ACKR2: variants seen among roughly 807,000 people sequenced by gnomAD.
ACKR2 encodes the protein C-C chemokine receptor D6.
For missense variants in ACKR2, 457 were observed against 477.3 expected (o/e 0.96, Z 0.40); for synonymous variants, 207 against 192.2 (o/e 1.08, Z -0.64).
intron 1 of ACKR2, among the ~76,000 whole-genome samples, chr3:42,819,049 C>T (rs1031405417): frequency 7.2e-5 from 11 of 152,120 alleles, no homozygotes; most frequent in East Asian, 3.9e-4. Flanking sequence ...CTGACTAAGC[C>T]GAAGCTCTCC....
At chr3:42,842,875 C>T (rs1412311821) in intron 2 of ACKR2, among the ~76,000 whole-genome samples, 1 of 149,914 alleles carries the variant, frequency 6.7e-6, no homozygotes, top group African/African-American at 2.5e-5. Context: ...CCCAGCTACT[C>T]GGGAGGCTGA....
At chr3:42,822,736 C>T (rs1700820973) in intron 2 of ACKR2, among the ~76,000 whole-genome samples, 2 of 149,132 alleles carry the variant, frequency 1.3e-5, no homozygotes, top group African/African-American at 4.9e-5. Flanking sequence ...CCTGTAATCC[C>T]AGCCCAGCTA....
chr3:42,810,062 G>T (rs1700679484), intron 1 of ACKR2, among the ~76,000 whole-genome samples: 1 of 152,104 alleles, frequency 6.6e-6, no homozygotes, highest in African/African-American at 2.4e-5. Context: ...CATTTTCTGA[G>T]CCCCAACAGC....
chr3:42,864,368 T>C lies in ACKR2; in HGVS notation c.-37-98T>C. The C allele has an allele frequency of 1.3e-5, 14 of 1,087,046 alleles. No individual in the cohort carries two copies. In the South Asian group the frequency reaches 2.4e-4, roughly 19 times the overall value. 67.3% of individuals were successfully genotyped at this position (1,087,046 alleles called of 1,614,324 possible). A position where few individuals can be genotyped will look rare whatever the true frequency, so the allele number is the denominator to read the frequency against. ...ACTTGCTGGACTGCAGGTACTGATG[T>C]AGATTTGAAGAGTCTATTGGACATC... On this transcript the variant is annotated intron_variant, in intron 2 of 2. Transcript: ENST00000422265.
intron 2 of ACKR2, among the ~76,000 whole-genome samples, chr3:42,843,752 G>T (rs555095414): frequency 2.6e-5 from 4 of 152,344 alleles, no homozygotes; most frequent in Non-Finnish European, 5.9e-5. Flanking sequence ...CATTTAGAGG[G>T]AATTGAGTTC....
chr3:42,847,392 G>C (rs553270548), intron 2 of ACKR2, among the ~76,000 whole-genome samples: 1 of 152,108 alleles, frequency 6.6e-6, no homozygotes, highest in Non-Finnish European at 1.5e-5. Flanking sequence ...CTTTTGTGCC[G>C]TCAATGGAGC....
intron 2 of ACKR2, among the ~76,000 whole-genome samples, chr3:42,861,193 C>T (rs1209183758): frequency 6.6e-6 from 1 of 152,084 alleles, no homozygotes; most frequent in African/African-American, 2.4e-5. Context: ...CACCATTGAT[C>T]CCACAGAAAT....
chr3:42,815,403 C>T (rs1336873294), intron 1 of ACKR2, among the ~76,000 whole-genome samples: 1 of 152,170 alleles, frequency 6.6e-6, no homozygotes, highest in Non-Finnish European at 1.5e-5. Flanking sequence ...GGAGAATTGG[C>T]TAGGGGCCAG....
chr3:42,828,391 G>A (rs758980733), intron 2 of ACKR2, among the ~76,000 whole-genome samples: 3 of 152,084 alleles, frequency 2.0e-5, no homozygotes, highest in Admixed American at 6.6e-5. Flanking sequence ...GATTACAGGC[G>A]TGAGCCACCG....
chr3:42,818,232 C>T (rs1270214413), intron 1 of ACKR2, among the ~76,000 whole-genome samples: 1 of 152,234 alleles, frequency 6.6e-6, no homozygotes, highest in African/African-American at 2.4e-5. Context: ...TCTCTCCGCA[C>T]AAGCCTGCAC....
chr3:42,847,322 C>T (rs891108828), intron 2 of ACKR2, among the ~76,000 whole-genome samples: 13 of 152,104 alleles, frequency 8.5e-5, no homozygotes, highest in African/African-American at 3.1e-4. Flanking sequence ...CAGCGGGGGC[C>T]AGGCTGGGGA....
intron 2 of ACKR2, 53 bp from the exon 3 acceptor site, chr3:42,864,413 G>C (rs1354529953): frequency 1.3e-6 from 2 of 1,482,158 alleles, no homozygotes; most frequent in South Asian, 2.7e-5. Flanking sequence ...CAGCAAAAGT[G>C]GGTTTAGAGA....
At chr3:42,814,441 A>G (rs528064235) in intron 1 of ACKR2, among the ~76,000 whole-genome samples, 1 of 152,284 alleles carries the variant, frequency 6.6e-6, no homozygotes, top group Non-Finnish European at 1.5e-5. Context: ...CATGCTGCAA[A>G]TAGCTGTCTA....
rs749184218 is a variant in ACKR2 at position 42,820,592 on chromosome 3, CA to C, written c.-38+899del. Among the ~76,000 whole-genome samples, 383 of 69,790 alleles carry C rather than the reference CA, an allele frequency of 5.5e-3. 1 individual carries two copies. Among genetic ancestry groups the C allele is most frequent in the Middle Eastern group, 0.011 (1 of 92 alleles). The allele number at this position is 69,790 out of a possible 152,430, so 45.8% of individuals were successfully genotyped here. A position where few individuals can be genotyped will look rare whatever the true frequency, so the allele number is the denominator to read the frequency against. ...TGGGCAACAGAGCAAGACTCTGTCTCAAAAAAAAAAAAAAAAAAGAAATATA... is the reference window on the plus strand; with the variant it reads ...TGGGCAACAGAGCAAGACTCTGTCTCAAAAAAAAAAAAAAAAAGAAATATA... On this transcript the variant is annotated intron_variant, in intron 2 of 2. Transcript: ENST00000422265.
chr3:42,852,519 T>A lies in ACKR2; in HGVS notation c.-37-11947T>A, dbSNP rs992865974. The A allele has an allele frequency of 6.6e-6, 1 of 152,214 alleles. No individual in the cohort carries two copies. Among genetic ancestry groups the A allele is most frequent in the African/African-American group, 2.4e-5 (1 of 41,450 alleles). The allele number at this position is 152,214 out of a possible 1,614,324, so 9.4% of individuals were successfully genotyped here. A position where few individuals can be genotyped will look rare whatever the true frequency, so the allele number is the denominator to read the frequency against. Reference sequence around the variant, plus strand: ...ATCTCCTGACCAGGCCAGGAAACATTGAGTGATGTGGGGTCCCAGGGAGCG... The same window carrying A: ...ATCTCCTGACCAGGCCAGGAAACATAGAGTGATGTGGGGTCCCAGGGAGCG... On this transcript the variant is annotated intron_variant, in intron 2 of 2. Transcript: ENST00000422265. This position sits in a 1 kb window ranked among gnomAD's most constrained non-coding sequence, Gnocchi z 4.3.
rs1700672657 is a variant in ACKR2 at position 42,809,537 on chromosome 3, G to C, written c.-119+5G>C. 6.6e-6 allele frequency: 1 copy of C among 152,218 alleles called. No individual in the cohort carries two copies. The highest frequency in any genetic ancestry group is 2.4e-5 in the African/African-American group (1 of 41,434). The allele number at this position is 152,218 out of a possible 1,614,324, so 9.4% of individuals were successfully genotyped here. A position where few individuals can be genotyped will look rare whatever the true frequency, so the allele number is the denominator to read the frequency against. ...AGCTGCTATTGAACACGGCAGGTGAGAGAATTTCTTTATGGCCAATTCTTA... is the reference window on the plus strand; with the variant it reads ...AGCTGCTATTGAACACGGCAGGTGACAGAATTTCTTTATGGCCAATTCTTA... On this transcript the variant is annotated splice_donor_5th_base_variant and intron_variant, in intron 1 of 2. Transcript: ENST00000422265.
At chr3:42,823,366 G>A (rs1469779565) in intron 2 of ACKR2, among the ~76,000 whole-genome samples, 2 of 152,112 alleles carry the variant, frequency 1.3e-5, no homozygotes, top group Admixed American at 6.5e-5. Flanking sequence ...CTCAATCAGG[G>A]GCTCCAGACA....
chr3:42,856,605 T>C (rs2088324221), intron 2 of ACKR2: 1 of 553,318 alleles, frequency 1.8e-6, no homozygotes, highest in Non-Finnish European at 3.2e-6. Context: ...GAATAAATAA[T>C]TTACAGAAGA....
intron 2 of ACKR2, among the ~76,000 whole-genome samples, chr3:42,838,456 CATT>C (rs762251250): frequency 2.6e-5 from 4 of 152,092 alleles, no homozygotes; most frequent in Non-Finnish European, 5.9e-5. Flanking sequence ...CGTTCAATGT[CATT>C]AGTTCATAAG....
Sources: gnomAD v4.1 joint callset for allele counts (sites outside exome capture counted in the v4.1 genomes callset) on GRCh38, gnomAD v4.1.1 for gene constraint, Gnocchi (gnomAD v3.1) non-coding constraint, MANE v1.5 for transcripts, NCBI Gene and HGNC (gene_info 2026-07-23, HGNC 2026-07-21) for gene names.